The following SYNPO variants were observed in gnomAD, a reference collection of about 807,000 sequenced individuals.
The protein encoded by SYNPO is synaptopodin.
In SYNPO, 19 loss-of-function variants were observed where a neutral mutation model predicts 49.5. The ratio of observed to expected loss-of-function variants is 0.38; its 90% confidence interval spans 0.27 to 0.56. The LOEUF is 0.56. SYNPO is among the 20% of genes least tolerant of loss of function. The pLI, the probability that SYNPO is intolerant of heterozygous loss-of-function variation, is 0.68. For synonymous variants in SYNPO, 536 were observed against 548.0 expected, an observed-to-expected ratio of 0.98 and a Z score of 0.31; for missense variants, 1,131 against 1,248.3, an observed-to-expected ratio of 0.91 and a Z score of 1.42.
rs147580348 is a variant in SYNPO at position 150,648,329 on chromosome 5, C to T, written c.54C>T (p.Ala18=). The T allele has an allele frequency of 1.9e-6, 3 of 1,614,074 alleles. No homozygotes were observed. Among genetic ancestry groups the T allele is most frequent in the Non-Finnish European group, 2.5e-6 (3 of 1,180,038 alleles). Residue 18 remains alanine (A), a synonymous_variant, in exon 2 of 3, where the codon GCC becomes GCT. Transcript: ENST00000307662. This position sits in a 1 kb window ranked among gnomAD's most constrained non-coding sequence, Gnocchi z 5.0. ...TGCTGCGGCACCTGGAGAAGGTGGC[C>T]AGTGAGGAGGAAGAGGTACCACTGG... is the stretch of plus-strand genomic sequence containing the variant. ...ASLLRHLEKV[A]SEEEEVPLVV... is the part of the protein sequence containing the mutation.
rs1758670229 is a variant in SYNPO at position 150,659,162 on chromosome 5, C to CT, written c.*2076dup. 1 of 152,472 alleles carries CT rather than the reference C, an allele frequency of 6.6e-6. No homozygotes were observed. Among genetic ancestry groups the CT allele is most frequent in the Non-Finnish European group, 1.5e-5 (1 of 68,118 alleles). The allele number at this position is 152,472 out of a possible 1,614,324, so 9.4% of individuals were successfully genotyped here. A position where few individuals can be genotyped will look rare whatever the true frequency, so the allele number is the denominator to read the frequency against. ...AGATTGCCTGTGTCCTGCCTCTTGC[C>CT]TCTTGTAGAATGCAGCTCTGGCCCT... On this transcript the variant is annotated 3_prime_UTR_variant, in exon 3 of 3. Coordinates refer to ENST00000307662, the MANE Select transcript of SYNPO (RefSeq NM_007286.6).
intron 2 of SYNPO, chr5:150,624,887 G>T: frequency 1.0e-6 from 1 of 985,508 alleles, no homozygotes; most frequent in South Asian, 4.6e-5. Context: ...GGAGCTCGGG[G>T]ACCGTGCGCA....
intron 1 of SYNPO, among the ~76,000 whole-genome samples, chr5:150,606,080 C>T (rs568676505): frequency 1.3e-5 from 2 of 152,208 alleles, no homozygotes; most frequent in Non-Finnish European, 2.9e-5. Context: ...TGCACACATA[C>T]ACACACGTGG....
rs534664198 is a variant in SYNPO, at chr5:150,609,451, C to T, written c.-266+8263C>T. ...CTGGGATTACAGGCATGCACCACCA[C>T]GCCCAGCTAATTTTTGTATTTTTAG... On this transcript the variant is annotated intron_variant, in intron 1 of 2. Transcript: ENST00000394243. Among the ~76,000 whole-genome samples, 473 of 152,218 alleles carry T rather than the reference C, an allele frequency of 3.1e-3. 4 individuals carry two copies. The highest frequency in any genetic ancestry group is 0.011 in the African/African-American group (449 of 41,534).
rs780799121 is a variant in SYNPO at position 150,656,934 on chromosome 5, C to T, written c.2559C>T (p.Arg853=). 56 of 1,581,738 alleles carry T rather than the reference C, an allele frequency of 3.5e-5. No homozygotes were observed. Among genetic ancestry groups the T allele is most frequent in the Admixed American group, 1.6e-4 (9 of 56,330 alleles). ...PAPPRPFLYR[R]SPTDSDVSLD... ...CTCCCAGGCCCTTCCTCTACCGCCG[C>T]TCGCCCACGGACTCCGACGTGTCCC... The change falls in exon 3 of 3, where the codon CGC becomes CGT. Residue 853 remains arginine, a synonymous_variant. Coordinates refer to ENST00000307662, the MANE Select transcript of SYNPO (RefSeq NM_007286.6).
chr5:150,613,088 A>G (rs1756893693), intron 1 of SYNPO, among the ~76,000 whole-genome samples: 1 of 152,118 alleles, frequency 6.6e-6, no homozygotes, highest in African/African-American at 2.4e-5. Flanking sequence ...CTGTTGCTTT[A>G]TGTGCCTGGA....
intron 2 of SYNPO, among the ~76,000 whole-genome samples, chr5:150,630,693 A>G (rs1412797467): frequency 1.3e-5 from 2 of 152,050 alleles, no homozygotes; most frequent in African/African-American, 4.8e-5. Flanking sequence ...CTGAGGCTGA[A>G]TGCTCCCATC....
intron 2 of SYNPO, chr5:150,624,875 C>G (rs866536986): frequency 1.0e-6 from 1 of 985,058 alleles, no homozygotes. Flanking sequence ...CGGCGGCGCC[C>G]GGGAGCTCGG....
chr5:150,654,717 C>A (rs1758498838), intron 2 of SYNPO, among the ~76,000 whole-genome samples: 1 of 152,202 alleles, frequency 6.6e-6, no homozygotes, highest in African/African-American at 2.4e-5. Context: ...TTTTGTATCT[C>A]CATCTGTCAG....
the SYNPO span, among the ~76,000 whole-genome samples, chr5:150,591,507 G>A: frequency 2.6e-5 from 4 of 152,200 alleles, no homozygotes; most frequent in Admixed American, 6.5e-5. Flanking sequence ...GGGCAGAAGC[G>A]CCGTCTCAGA....
chr5:150,597,021 A>C (rs912177035), upstream of SYNPO, among the ~76,000 whole-genome samples: 12 of 152,140 alleles, frequency 7.9e-5, no homozygotes, highest in African/African-American at 2.9e-4. Flanking sequence ...AGGGTTGGGG[A>C]CCTAGTGCTG....
intron 2 of SYNPO, among the ~76,000 whole-genome samples, chr5:150,655,154 AT>A (rs755486256): frequency 1.3e-5 from 2 of 152,238 alleles, no homozygotes; most frequent in African/African-American, 2.4e-5. Flanking sequence ...ATATTTTTAC[AT>A]TTTAATTTTG....
At chr5:150,599,927 C>T (rs566950865), upstream of SYNPO, among the ~76,000 whole-genome samples, 31 of 152,256 alleles carry the variant, frequency 2.0e-4, no homozygotes, top group South Asian at 6.2e-4. Flanking sequence ...AGGCCACCTC[C>T]GGAGAATGAA....
At chr5:150,641,439 G>A (rs981869723) in intron 1 of SYNPO, among the ~76,000 whole-genome samples, 1 of 152,108 alleles carries the variant, frequency 6.6e-6, no homozygotes, top group East Asian at 1.9e-4. Context: ...GTCCCACCCC[G>A]CCCCACCTGA....
upstream of SYNPO, among the ~76,000 whole-genome samples, chr5:150,598,391 G>A (rs1756462054): frequency 6.6e-6 from 1 of 152,224 alleles, no homozygotes; most frequent in Non-Finnish European, 1.5e-5. Flanking sequence ...ATAGGCTGGA[G>A]GTAGCAGGTT....
At chr5:150,623,060 C>T (rs1406343211) in intron 2 of SYNPO, among the ~76,000 whole-genome samples, 1 of 152,212 alleles carries the variant, frequency 6.6e-6, no homozygotes, top group Non-Finnish European at 1.5e-5. Context: ...CTCACCCATG[C>T]ACAGCTGCCA....
the SYNPO span, among the ~76,000 whole-genome samples, chr5:150,590,395 A>G: frequency 2.0e-5 from 3 of 152,232 alleles, no homozygotes; most frequent in Non-Finnish European, 1.5e-5. Flanking sequence ...AGGCCCAGAG[A>G]GGGCCAAGGG....
upstream of SYNPO, among the ~76,000 whole-genome samples, chr5:150,598,218 C>T (rs1756458479): frequency 1.3e-5 from 2 of 152,236 alleles, no homozygotes; most frequent in South Asian, 4.2e-4. Flanking sequence ...GCATCCAGCG[C>T]AGCAAATGTT....
chr5:150,600,764 G>T (rs914931185), upstream of SYNPO, among the ~76,000 whole-genome samples: 1 of 152,136 alleles, frequency 6.6e-6, no homozygotes, highest in Non-Finnish European at 1.5e-5. Context: ...CCAGCCTAAG[G>T]TTTTGGAAAC....
Sources: allele counts gnomAD v4.1 joint callset (sites outside exome capture counted in the v4.1 genomes callset), GRCh38; gene constraint gnomAD v4.1.1; non-coding constraint Gnocchi (gnomAD v3.1); transcripts MANE v1.5; gene names NCBI Gene and HGNC (gene_info 2026-07-23, HGNC 2026-07-21).